The following MACROD2 variants were observed in gnomAD, a reference collection of about 807,000 sequenced individuals.
MACROD2 encodes the protein ADP-ribose glycohydrolase MACROD2.
A neutral mutation model predicts 70.4 loss-of-function variants in MACROD2; 36 were observed. That is an observed-to-expected ratio of 0.51 (90% CI 0.39 to 0.68). MACROD2 has a LOEUF of 0.68. MACROD2 is among the 30% of genes least tolerant of loss of function. The probability of loss-of-function intolerance (pLI) is 0.00; values close to 1 mark genes in which losing one functional copy is unlikely to be tolerated. For missense variants in MACROD2, 496 were observed against 538.4 expected, an observed-to-expected ratio of 0.92 and a Z score of 0.78; for synonymous variants, 172 against 178.8, an observed-to-expected ratio of 0.96 and a Z score of 0.30.
intron 5 of MACROD2, among the ~76,000 whole-genome samples, chr20:15,126,150 T>A (rs2076065506): frequency 6.7e-6 from 1 of 148,972 alleles, no homozygotes; most frequent in East Asian, 2.0e-4. Context: ...TGAATAGTTC[T>A]GTTATAAACA....
At chr20:14,190,930 A>C (rs1394786334) in intron 3 of MACROD2, among the ~76,000 whole-genome samples, 1 of 151,204 alleles carries the variant, frequency 6.6e-6, no homozygotes, top group Non-Finnish European at 1.5e-5. Context: ...GATGGTCTCG[A>C]TCTCCTGACC....
chr20:14,318,212 A>G (rs1383747541), intron 3 of MACROD2, among the ~76,000 whole-genome samples: 1 of 152,138 alleles, frequency 6.6e-6, no homozygotes, highest in Non-Finnish European at 1.5e-5. Flanking sequence ...TACTTTGTGT[A>G]GTAATTGCCT....
At chr20:14,890,854 T>G (rs1204904281) in intron 5 of MACROD2, among the ~76,000 whole-genome samples, 1 of 152,022 alleles carries the variant, frequency 6.6e-6, no homozygotes, top group East Asian at 1.9e-4. Context: ...CAACCAGATT[T>G]AGCAACATGG....
At chr20:15,902,629 G>A (rs372191204) in intron 10 of MACROD2, among the ~76,000 whole-genome samples, 3 of 151,942 alleles carry the variant, frequency 2.0e-5, no homozygotes, top group African/African-American at 7.3e-5. Flanking sequence ...GCGCCCTCTC[G>A]GATCACTTGC....
intron 4 of MACROD2, among the ~76,000 whole-genome samples, chr20:14,599,321 G>T (rs78667424): frequency 0.024 from 3,607 of 152,232 alleles, 63 homozygotes; most frequent in Admixed American, 0.037. Context: ...TGATGAGGAA[G>T]TGGGGAGTTA....
chr20:14,018,859 C>A (rs570517324), intron 2 of MACROD2, among the ~76,000 whole-genome samples: 1 of 152,122 alleles, frequency 6.6e-6, no homozygotes, highest in Non-Finnish European at 1.5e-5. Context: ...AAAGAAAAAG[C>A]TTTATTGCAA....
chr20:15,117,626 C>T (rs1278338402), intron 5 of MACROD2, among the ~76,000 whole-genome samples: 5 of 152,150 alleles, frequency 3.3e-5, no homozygotes, highest in African/African-American at 7.2e-5. Flanking sequence ...CTTGAGCATG[C>T]GTTGACCATC....
At chr20:15,761,568 A>C (rs1267329017) in intron 8 of MACROD2, among the ~76,000 whole-genome samples, 2 of 152,196 alleles carry the variant, frequency 1.3e-5, no homozygotes, top group Non-Finnish European at 2.9e-5. Context: ...TATGTGTTAC[A>C]CGTATATCCA....
intron 4 of MACROD2, among the ~76,000 whole-genome samples, chr20:14,589,819 G>A (rs2253860): frequency 0.98 from 149,961 of 152,256 alleles, 73,889 homozygotes; most frequent in East Asian, 1. Flanking sequence ...GTACATCTGT[G>A]TGCAGTTCAC....
chr20:14,010,496 A>C (rs1053764883), intron 2 of MACROD2, among the ~76,000 whole-genome samples: 12 of 152,170 alleles, frequency 7.9e-5, no homozygotes, highest in Admixed American at 7.2e-4. Flanking sequence ...TCATTTCTCT[A>C]AAAATGTATG....
chr20:16,017,496 A>T (rs188980305), intron 15 of MACROD2, among the ~76,000 whole-genome samples: 1 of 152,336 alleles, frequency 6.6e-6, no homozygotes, highest in African/African-American at 2.4e-5. Context: ...TCTAGAACTA[A>T]GATGATACTG....
chr20:14,076,505 C>T (rs944299842), intron 2 of MACROD2, among the ~76,000 whole-genome samples: 10 of 151,668 alleles, frequency 6.6e-5, no homozygotes, highest in African/African-American at 9.7e-5. Context: ...AAACCCCAAA[C>T]GCACACACAT....
intron 4 of MACROD2, among the ~76,000 whole-genome samples, chr20:14,615,341 G>A (rs976585404): frequency 2.6e-5 from 4 of 152,078 alleles, no homozygotes; most frequent in South Asian, 2.1e-4. Context: ...AGGAGGATTC[G>A]AGTGGAGTGT....
intron 4 of MACROD2, among the ~76,000 whole-genome samples, chr20:14,584,093 T>G (rs955844838): frequency 6.6e-6 from 1 of 152,164 alleles, no homozygotes; most frequent in African/African-American, 2.4e-5. Flanking sequence ...CTATTCCATT[T>G]TATTCTAACC....
intron 5 of MACROD2, among the ~76,000 whole-genome samples, chr20:15,052,080 G>A (rs1414481205): frequency 1.3e-5 from 2 of 152,010 alleles, no homozygotes; most frequent in Non-Finnish European, 2.9e-5. Flanking sequence ...TAATCTTCAA[G>A]GAATTTTCTT....
chr20:14,412,434 A>C (rs2122869211), intron 3 of MACROD2, among the ~76,000 whole-genome samples: 1 of 152,266 alleles, frequency 6.6e-6, no homozygotes, highest in African/African-American at 2.4e-5. Context: ...GAGCCACAGA[A>C]GAGTTTGAGA....
intron 2 of MACROD2, among the ~76,000 whole-genome samples, chr20:14,019,645 G>T (rs1384037619): frequency 2.0e-5 from 3 of 152,054 alleles, no homozygotes; most frequent in Non-Finnish European, 4.4e-5. Flanking sequence ...GGTTCGGGAT[G>T]AAATATAGGG....
At chr20:14,847,330 T>C (rs973805830) in intron 5 of MACROD2, among the ~76,000 whole-genome samples, 1 of 152,116 alleles carries the variant, frequency 6.6e-6, no homozygotes, top group African/African-American at 2.4e-5. Context: ...GTTTTCGACC[T>C]TAAGTTTGCT....
intron 9 of MACROD2, among the ~76,000 whole-genome samples, chr20:15,874,739 T>C (rs917083824): frequency 9.9e-5 from 15 of 152,160 alleles, no homozygotes; most frequent in Admixed American, 9.2e-4. Context: ...TTACCAAATG[T>C]GGTAGGCGGA....
Sources: gnomAD v4.1 joint callset for allele counts (sites outside exome capture counted in the v4.1 genomes callset) on GRCh38, gnomAD v4.1.1 for gene constraint, MANE v1.5 for transcripts, NCBI Gene and HGNC (gene_info 2026-07-23, HGNC 2026-07-21) for gene names.